The following GALNT17 variants were observed in gnomAD, a reference collection of about 807,000 sequenced individuals.
The protein encoded by GALNT17 is UDP-GalNAc:polypeptide N-acetylgalactosaminyltransferase-like 3.
A neutral mutation model predicts 63.7 loss-of-function variants in GALNT17; 29 were observed. The ratio of observed to expected loss-of-function variants is 0.46; its 90% CI spans 0.34 to 0.62. The LOEUF is 0.62. Ranked by LOEUF, GALNT17 falls within the 20% of genes least tolerant of loss-of-function variation. The pLI is 0.01. For missense variants in GALNT17, 603 were observed against 799.6 expected (o/e 0.75, Z 2.97); for synonymous variants, 305 against 318.3 (o/e 0.96, Z 0.45).
intron 2 of GALNT17, among the ~76,000 whole-genome samples, chr7:71,377,105 A>AT (rs1792748776): frequency 3.1e-5 from 2 of 64,734 alleles, no homozygotes; most frequent in African/African-American, 1.6e-4. Flanking sequence ...AAAAAATAAA[A>AT]ATAAAAAAAA....
At chr7:71,478,022 A>G (rs934928133) in intron 5 of GALNT17, among the ~76,000 whole-genome samples, 1 of 152,224 alleles carries the variant, frequency 6.6e-6, no homozygotes, top group Non-Finnish European at 1.5e-5. Context: ...TACCCTGTAC[A>G]TGGCTGTGAA....
chr7:71,360,050 C>T (rs1227849102), intron 2 of GALNT17, among the ~76,000 whole-genome samples: 1 of 152,094 alleles, frequency 6.6e-6, no homozygotes, highest in African/African-American at 2.4e-5. Flanking sequence ...CCTTGAGGCT[C>T]TTATTGAAGT....
chr7:71,140,032 AAAAG>A (rs1207229528), intron 1 of GALNT17, among the ~76,000 whole-genome samples: 3 of 152,046 alleles, frequency 2.0e-5, no homozygotes, highest in African/African-American at 7.2e-5. Flanking sequence ...ACCAAAAACA[AAAAG>A]AGAGGGATGG....
chr7:71,593,040 T>C (rs1789832854), intron 6 of GALNT17, among the ~76,000 whole-genome samples: 1 of 151,924 alleles, frequency 6.6e-6, no homozygotes, highest in African/African-American at 2.4e-5. Flanking sequence ...TCCCAGCAAC[T>C]CAGGAGGCTG....
At chr7:71,365,474 T>C (rs73360130) in intron 2 of GALNT17, among the ~76,000 whole-genome samples, 4,183 of 152,234 alleles carry the variant, frequency 0.027, 183 homozygotes, top group African/African-American at 0.096. Context: ...TCTTGACCTG[T>C]GGTGATCCAC....
intron 6 of GALNT17, among the ~76,000 whole-genome samples, chr7:71,586,768 G>T (rs1480263938): frequency 1.3e-5 from 2 of 151,578 alleles, no homozygotes; most frequent in African/African-American, 4.8e-5. Flanking sequence ...TATTTTGGGG[G>T]TACATGTGAT....
chr7:71,206,162 A>T (rs942975303), intron 1 of GALNT17, among the ~76,000 whole-genome samples: 1 of 147,982 alleles, frequency 6.8e-6, no homozygotes, highest in Non-Finnish European at 1.5e-5. Flanking sequence ...ATATATATAA[A>T]ATATATATAT....
At chr7:71,507,073 A>G (rs1238447107) in intron 5 of GALNT17, among the ~76,000 whole-genome samples, 1 of 152,120 alleles carries the variant, frequency 6.6e-6, no homozygotes, top group Non-Finnish European at 1.5e-5. Context: ...CATATTTACA[A>G]AACAACTAAA....
In GALNT17 at chr7:71,159,926, T is replaced by C. The variant is rs544255305; in HGVS notation, c.238+26886T>C. On this transcript the variant is annotated intron_variant, in intron 1 of 10. Coordinates refer to ENST00000333538, the MANE Select transcript of GALNT17 (RefSeq NM_022479.3). ...CCTCCTGAGTAGCTGGGATTACAGG[T>C]GTGCACCACCACTCAGATCTAATTT... Among the ~76,000 whole-genome samples the C allele has an allele frequency of 6.6e-3, 1,001 of 151,090 alleles. 10 individuals carry two copies. The highest frequency in any genetic ancestry group is 0.022 in the African/African-American group (892 of 40,582).
intron 1 of GALNT17, among the ~76,000 whole-genome samples, chr7:71,295,710 T>A (rs1295900325): frequency 6.6e-6 from 1 of 152,020 alleles, no homozygotes; most frequent in Non-Finnish European, 1.5e-5. Context: ...GCAATCCTCC[T>A]GCCTCAGCCT....
chr7:71,652,005 G>A (rs1490159377), intron 6 of GALNT17, among the ~76,000 whole-genome samples: 3 of 152,090 alleles, frequency 2.0e-5, no homozygotes, highest in African/African-American at 7.2e-5. Context: ...CCCAGCCTGG[G>A]TTGAATTTTA....
chr7:71,285,742 A>AC (rs147603271), intron 1 of GALNT17, among the ~76,000 whole-genome samples: 4,333 of 152,242 alleles, frequency 0.028, 193 homozygotes, highest in African/African-American at 0.097. Flanking sequence ...GTGAGCCCTC[A>AC]CCAAACACAG....
At chr7:71,595,050 G>C (rs1789865593) in intron 6 of GALNT17, among the ~76,000 whole-genome samples, 1 of 152,206 alleles carries the variant, frequency 6.6e-6, no homozygotes, top group African/African-American at 2.4e-5. Flanking sequence ...TGTGATAACA[G>C]AGTCAGAAAT....
chr7:71,633,347 C>T (rs1478851957), intron 6 of GALNT17, among the ~76,000 whole-genome samples: 3 of 152,086 alleles, frequency 2.0e-5, no homozygotes, highest in African/African-American at 7.2e-5. Flanking sequence ...GGCTTCAAAT[C>T]ATGGCCTGCC....
intron 5 of GALNT17, 90 bp downstream of exon 5, chr7:71,421,195 G>T: frequency 7.0e-7 from 1 of 1,423,936 alleles, no homozygotes; most frequent in East Asian, 2.4e-5. Context: ...AGCCTGCCTT[G>T]GGCTCGAGCA....
chr7:71,192,380 G>C (rs1301627479), intron 1 of GALNT17, among the ~76,000 whole-genome samples: 1 of 151,284 alleles, frequency 6.6e-6, no homozygotes, highest in Non-Finnish European at 1.5e-5. Flanking sequence ...CCATCACAGG[G>C]CAAGTGTATA....
intron 1 of GALNT17, among the ~76,000 whole-genome samples, chr7:71,253,321 G>T (rs927349790): frequency 3.3e-5 from 5 of 152,116 alleles, no homozygotes; most frequent in African/African-American, 7.2e-5. Flanking sequence ...GAGCCAATTA[G>T]AAGGGGAAAC....
Position 71,665,554 on chromosome 7 carries a change from T to C in GALNT17, c.1224T>C (p.Asp408=). 1.9e-6 allele frequency: 3 copies of C among 1,613,998 alleles called. No homozygotes were observed. Among genetic ancestry groups the C allele is most frequent in the Non-Finnish European group, 2.5e-6 (3 of 1,180,000 alleles). ...ALRVAEVWMD[D]YKSHVYIAWN... is the part of the protein sequence containing the mutation. The stretch of plus-strand genomic sequence containing the variant: ...GCGTTGCTGAGGTCTGGATGGACGA[T>C]TACAAGTCTCATGTGTACATAGCGT... The change falls in exon 7 of 11, where the codon GAT becomes GAC. Residue 408 remains aspartate, a synonymous_variant. Transcript: ENST00000333538.
At chr7:71,466,180 A>G (rs1015748381) in intron 5 of GALNT17, among the ~76,000 whole-genome samples, 4 of 152,170 alleles carry the variant, frequency 2.6e-5, no homozygotes, top group African/African-American at 4.8e-5. Flanking sequence ...GATTTTGCAA[A>G]TCAAAAATAA....
Sources: allele counts gnomAD v4.1 joint callset (sites outside exome capture counted in the v4.1 genomes callset), GRCh38; gene constraint gnomAD v4.1.1; transcripts MANE v1.5; gene names NCBI Gene and HGNC (gene_info 2026-07-23, HGNC 2026-07-21).